AUTS2: variants seen among roughly 807,000 people sequenced by gnomAD.
The protein encoded by AUTS2 is activator of transcription and developmental regulator AUTS2.
AUTS2 carries 17 observed loss-of-function variants against 112.4 expected under a neutral mutation model. The ratio of observed to expected loss-of-function variants is 0.15; its 90% CI spans 0.10 to 0.23. AUTS2 has a LOEUF of 0.23. Ranked by LOEUF, AUTS2 falls within the 10% of genes least tolerant of loss-of-function variation. The probability of loss-of-function intolerance (pLI) is 1.00; values close to 1 mark genes in which losing one functional copy is unlikely to be tolerated. For synonymous variants in AUTS2, 751 were observed against 702.7 expected, an observed-to-expected ratio of 1.07 and a Z score of -1.09; for missense variants, 1,510 against 1,701.6, an observed-to-expected ratio of 0.89 and a Z score of 1.98.
intron 4 of AUTS2, among the ~76,000 whole-genome samples, chr7:70,429,490 A>G (rs191955937): frequency 2.6e-4 from 39 of 152,348 alleles, no homozygotes; most frequent in African/African-American, 8.7e-4. Flanking sequence ...AATTCCCAGT[A>G]GAGGGAATTG....
chr7:69,938,718 TTAGA>T (rs1796511254), intron 2 of AUTS2, among the ~76,000 whole-genome samples: 1 of 152,258 alleles, frequency 6.6e-6, no homozygotes, highest in East Asian at 1.9e-4. Flanking sequence ...GCTAAGTGTC[TTAGA>T]TAGACAAGGT....
chr7:69,607,708 C>T (rs578063036), intron 1 of AUTS2, among the ~76,000 whole-genome samples: 1 of 152,130 alleles, frequency 6.6e-6, no homozygotes, highest in Admixed American at 6.5e-5. Context: ...TGCCATACCC[C>T]CTTGTTACCT....
At chr7:69,842,556 T>C (rs1048678742) in intron 1 of AUTS2, among the ~76,000 whole-genome samples, 1 of 152,240 alleles carries the variant, frequency 6.6e-6, no homozygotes. Context: ...GGATATTCTT[T>C]GCCCCTCTTT....
At chr7:70,342,982 G>T (rs983388815) in intron 4 of AUTS2, among the ~76,000 whole-genome samples, 4 of 152,092 alleles carry the variant, frequency 2.6e-5, no homozygotes, top group Admixed American at 1.3e-4. Flanking sequence ...AAAGGAGGTG[G>T]CCAGAATCAG....
chr7:69,765,618 A>G (rs1788385533), intron 1 of AUTS2, among the ~76,000 whole-genome samples: 1 of 152,094 alleles, frequency 6.6e-6, no homozygotes, highest in Admixed American at 6.5e-5. Flanking sequence ...CGTTCAGTCT[A>G]ATTTTTATTT....
chr7:70,426,621 G>A (rs1432406042), intron 4 of AUTS2, among the ~76,000 whole-genome samples: 1 of 152,070 alleles, frequency 6.6e-6, no homozygotes, highest in Admixed American at 6.6e-5. Context: ...CATCAAGTCG[G>A]GCCTCAGAAA....
chr7:70,302,607 C>G (rs956015217), intron 4 of AUTS2, among the ~76,000 whole-genome samples: 1 of 151,970 alleles, frequency 6.6e-6, no homozygotes, highest in African/African-American at 2.4e-5. Flanking sequence ...TCTTATCCTA[C>G]CTGGCCATCT....
chr7:69,767,529 T>G (rs1319490313), intron 1 of AUTS2, among the ~76,000 whole-genome samples: 2 of 152,120 alleles, frequency 1.3e-5, no homozygotes, highest in Non-Finnish European at 2.9e-5. Context: ...TAGTTGGACT[T>G]CTCTCCATGT....
chr7:70,294,687 G>A (rs1447913680), intron 4 of AUTS2, among the ~76,000 whole-genome samples: 1 of 152,186 alleles, frequency 6.6e-6, no homozygotes, highest in Non-Finnish European at 1.5e-5. Context: ...AGGCGAATAT[G>A]AGCACATGTA....
At chr7:70,518,698 AT>A (rs1280117569) in intron 5 of AUTS2, among the ~76,000 whole-genome samples, 2 of 150,438 alleles carry the variant, frequency 1.3e-5, no homozygotes, top group South Asian at 2.1e-4. Context: ...AAAAAAAAAA[AT>A]GTGTCGTTTT....
intron 5 of AUTS2, among the ~76,000 whole-genome samples, chr7:70,649,617 C>T (rs1236925490): frequency 6.6e-6 from 1 of 152,020 alleles, no homozygotes; most frequent in East Asian, 1.9e-4. Context: ...CAGCCTCTGC[C>T]TCCTGGGTTC....
chr7:69,612,935 A>G (rs185010245), intron 1 of AUTS2, among the ~76,000 whole-genome samples: 3 of 152,344 alleles, frequency 2.0e-5, no homozygotes, highest in Admixed American at 1.3e-4. Flanking sequence ...CAACAATTCC[A>G]TGAAAAGAAA....
intron 5 of AUTS2, among the ~76,000 whole-genome samples, chr7:70,567,564 A>G (rs1333663656): frequency 1.3e-5 from 2 of 152,230 alleles, no homozygotes; most frequent in Non-Finnish European, 2.9e-5. Context: ...AGTGATTCCA[A>G]GAGATAGTGA....
chr7:69,649,409 A>G (rs913247141), intron 1 of AUTS2, among the ~76,000 whole-genome samples: 1 of 152,198 alleles, frequency 6.6e-6, no homozygotes, highest in African/African-American at 2.4e-5. Flanking sequence ...AGTGGATGAT[A>G]CTGTTCCTTA....
intron 5 of AUTS2, among the ~76,000 whole-genome samples, chr7:70,450,244 T>C (rs1438111992): frequency 1.3e-5 from 2 of 152,168 alleles, no homozygotes; most frequent in Non-Finnish European, 2.9e-5. Context: ...CAGGGAAATA[T>C]GGCCTAATTG....
At chr7:70,095,257 AGT>A (rs748946398) in intron 2 of AUTS2, among the ~76,000 whole-genome samples, 191 of 150,562 alleles carry the variant, frequency 1.3e-3, no homozygotes, top group Non-Finnish European at 1.9e-3. Context: ...ACATATTAAG[AGT>A]GTGTGTGTGT....
chr7:70,324,492 G>A lies in AUTS2; in HGVS notation c.661-111260G>A, dbSNP rs528233635. Among the ~76,000 whole-genome samples the A allele has an allele frequency of 3.9e-5, 6 of 152,146 alleles. No individual in the cohort carries two copies. The South Asian group carries it at 6.2e-4, about 16-fold the overall frequency. ...TTAAAATTGACTGGGTGGGGTGATG[G>A]TGTGCATCTGTGGTCCCAACCACTC... On this transcript the variant is annotated intron_variant, in intron 4 of 18. Transcript: ENST00000342771.
intron 1 of AUTS2, among the ~76,000 whole-genome samples, chr7:69,713,980 A>G (rs1299898250): frequency 1.3e-5 from 2 of 152,084 alleles, no homozygotes; most frequent in Non-Finnish European, 2.9e-5. Context: ...TAGGGTTACA[A>G]AGTTTCTTCT....
intron 5 of AUTS2, among the ~76,000 whole-genome samples, chr7:70,480,899 A>G (rs1320576503): frequency 6.6e-6 from 1 of 152,212 alleles, no homozygotes; most frequent in Non-Finnish European, 1.5e-5. Flanking sequence ...TGAGTTACTC[A>G]GCTGGGGCAG....
Sources: allele counts gnomAD v4.1 joint callset (sites outside exome capture counted in the v4.1 genomes callset), GRCh38; gene constraint gnomAD v4.1.1; transcripts MANE v1.5; gene names NCBI Gene and HGNC (gene_info 2026-07-23, HGNC 2026-07-21).